RBFOX1: variants seen among roughly 807,000 people sequenced by gnomAD.
RBFOX1 encodes RNA binding protein fox-1 homolog 1.
Under a neutral mutation model 57.7 loss-of-function variants are expected in RBFOX1, and 8 were observed. That is an observed-to-expected ratio of 0.14 (90% confidence interval 0.08 to 0.25). The LOEUF is 0.25. Among genes scored for constraint, RBFOX1 ranks in the 10% least tolerant of loss-of-function variants. The pLI is 1.00. For synonymous variants in RBFOX1, 326 were observed against 222.4 expected, an observed-to-expected ratio of 1.47 and a Z score of -4.15; for missense variants, 611 against 548.5, an observed-to-expected ratio of 1.11 and a Z score of -1.14.
At chr16:7,439,086 G>A (rs758813075) in intron 4 of RBFOX1, among the ~76,000 whole-genome samples, 2 of 152,210 alleles carry the variant, frequency 1.3e-5, no homozygotes, top group African/African-American at 2.4e-5. Context: ...TGCACTCTCA[G>A]TGTGCACAGA....
chr16:7,141,473 A>G (rs1163431766), intron 4 of RBFOX1, among the ~76,000 whole-genome samples: 1 of 152,184 alleles, frequency 6.6e-6, no homozygotes, highest in East Asian at 1.9e-4. Context: ...GAAAATGCGC[A>G]GCAGTCAATG....
chr16:6,218,793 C>T lies in RBFOX1; in HGVS notation c.-126-98202C>T, dbSNP rs368212364. ...CTTCAGATATTTTATCTGCTAAATC[C>T]GAAGTCGGAATCTCAGTTAAGCTTA... On this transcript the variant is annotated intron_variant, in intron 1 of 15. Coordinates refer to ENST00000550418, the MANE Select transcript of RBFOX1 (RefSeq NM_018723.4). Among the ~76,000 whole-genome samples the T allele has an allele frequency of 5.9e-5, 9 of 151,418 alleles. 1 individual carries two copies. The highest frequency in any genetic ancestry group is 3.9e-4 in the East Asian group (2 of 5,128).
intron 3 of RBFOX1, among the ~76,000 whole-genome samples, chr16:5,773,925 C>T (rs780446202): frequency 2.6e-5 from 4 of 152,100 alleles, no homozygotes; most frequent in Middle Eastern, 3.2e-3. Context: ...ATCTACTGAC[C>T]TCATGATCTG....
chr16:5,250,355 A>G (rs573056696), intron 1 of RBFOX1, among the ~76,000 whole-genome samples: 1 of 152,224 alleles, frequency 6.6e-6, no homozygotes, highest in Admixed American at 6.5e-5. Context: ...TACTGCACCT[A>G]TCAACCCATC....
intron 4 of RBFOX1, among the ~76,000 whole-genome samples, chr16:7,109,851 C>G (rs947341429): frequency 3.9e-5 from 6 of 152,112 alleles, no homozygotes; most frequent in African/African-American, 1.4e-4. Context: ...AGGTGAGGTG[C>G]TAGGACCAGG....
intron 4 of RBFOX1, among the ~76,000 whole-genome samples, chr16:7,204,415 G>A (rs2089470261): frequency 6.6e-6 from 1 of 151,210 alleles, no homozygotes; most frequent in Admixed American, 6.6e-5. Context: ...GCTGAAGTGG[G>A]AGGATCACTT....
intron 3 of RBFOX1, among the ~76,000 whole-genome samples, chr16:6,993,278 G>C (rs1387490513): frequency 6.6e-6 from 1 of 152,190 alleles, no homozygotes; most frequent in East Asian, 1.9e-4. Context: ...CATGTTTGTT[G>C]TTCAAATGAG....
chr16:5,851,075 C>G (rs949286744), intron 3 of RBFOX1, among the ~76,000 whole-genome samples: 3 of 152,168 alleles, frequency 2.0e-5, no homozygotes, highest in Admixed American at 6.5e-5. Flanking sequence ...CCCCAATTCC[C>G]AGGCCTGCTT....
rs142352821 is a variant in RBFOX1 at position 7,496,225 on chromosome 16, C to A, written c.28-21922C>A. ...GTGGCATGATCTCAGCTCACTGCAA[C>A]CTCCATCTCCCAGTTCAAGTGATTC... is the stretch of plus-strand genomic sequence containing the variant. On this transcript the variant is annotated intron_variant, in intron 4 of 15. Transcript: ENST00000550418. Among the ~76,000 whole-genome samples, 6 of 152,294 alleles carry A rather than the reference C, an allele frequency of 3.9e-5. No individual in the cohort carries two copies. The South Asian group carries it at 8.3e-4, about 21-fold the overall frequency.
intron 4 of RBFOX1, among the ~76,000 whole-genome samples, chr16:7,248,604 A>G (rs1162404518): frequency 1.3e-5 from 2 of 152,170 alleles, no homozygotes; most frequent in Non-Finnish European, 2.9e-5. Context: ...TTTCTTCTTT[A>G]TGGTGAGTGA....
chr16:7,324,665 C>T (rs908574668), intron 4 of RBFOX1, among the ~76,000 whole-genome samples: 7 of 152,136 alleles, frequency 4.6e-5, no homozygotes, highest in Non-Finnish European at 1.0e-4. Flanking sequence ...CTTAATGAAC[C>T]AAGAGGAGCA....
chr16:7,236,191 A>T (rs1031917984), intron 4 of RBFOX1, among the ~76,000 whole-genome samples: 1 of 152,210 alleles, frequency 6.6e-6, no homozygotes. Context: ...TATTTAATAT[A>T]TAAAAATCAA....
intron 3 of RBFOX1, among the ~76,000 whole-genome samples, chr16:5,863,188 T>A (rs2151890135): frequency 6.6e-6 from 1 of 152,300 alleles, no homozygotes; most frequent in South Asian, 2.1e-4. Context: ...AGGAAACCCT[T>A]AATGTCGGCC....
At chr16:6,140,090 C>G (rs1464432473) in intron 1 of RBFOX1, among the ~76,000 whole-genome samples, 2 of 152,112 alleles carry the variant, frequency 1.3e-5, no homozygotes, top group African/African-American at 2.4e-5. Context: ...ATGCATTTTG[C>G]TGCAGAAGAG....
intron 3 of RBFOX1, among the ~76,000 whole-genome samples, chr16:6,853,082 C>T (rs1000466566): frequency 1.3e-5 from 2 of 152,144 alleles, no homozygotes; most frequent in Admixed American, 6.5e-5. Flanking sequence ...TTACCCTTCA[C>T]ACAGTTCTAT....
At chr16:5,936,385 C>T (rs11648632) in intron 4 of RBFOX1, among the ~76,000 whole-genome samples, 2 of 151,968 alleles carry the variant, frequency 1.3e-5, no homozygotes, top group Admixed American at 1.3e-4. Flanking sequence ...TAGCCTCCCA[C>T]AGTGCTGGGA....
Position 6,761,049 on chromosome 16 carries a change from C to T in RBFOX1, c.-16+106399C>T, listed in dbSNP as rs180708051. On this transcript the variant is annotated intron_variant, in intron 3 of 15. Transcript: ENST00000550418. ...CAGAACATTAAAGTTTATAGCTTCA[C>T]ATTTTTGAATTAAATTACCTATTGA... Among the ~76,000 whole-genome samples, 10 of 152,298 alleles carry T rather than the reference C, an allele frequency of 6.6e-5. No individual in the cohort carries two copies. The Middle Eastern group carries it at 0.017, about 259-fold the overall frequency.
rs558224889 is a variant in RBFOX1, at chr16:6,331,543, C to A, written c.-64+14486C>A. On this transcript the variant is annotated intron_variant, in intron 2 of 15. Transcript: ENST00000550418. ...CCATTTTCTGTTTCTCTCTCTCTCT[C>A]TCTATATATATATATGTATATAATA... Among the ~76,000 whole-genome samples, 1,185 of 150,028 alleles carry A rather than the reference C, an allele frequency of 7.9e-3. 8 individuals are homozygous for A. The highest frequency in any genetic ancestry group is 9.5e-3 in the Admixed American group (142 of 14,988).
intron 4 of RBFOX1, among the ~76,000 whole-genome samples, chr16:7,129,583 G>A (rs1277752560): frequency 6.6e-6 from 1 of 152,018 alleles, no homozygotes; most frequent in Non-Finnish European, 1.5e-5. Flanking sequence ...AAAAAATTGA[G>A]GAATTACAGT....
Sources: gnomAD v4.1 joint callset for allele counts (sites outside exome capture counted in the v4.1 genomes callset) on GRCh38, gnomAD v4.1.1 for gene constraint, MANE v1.5 for transcripts, NCBI Gene and HGNC (gene_info 2026-07-23, HGNC 2026-07-21) for gene names.